PCDHGB7: variants seen among roughly 807,000 people sequenced by gnomAD.
The protein encoded by PCDHGB7 is protocadherin gamma-B7.
PCDHGB7 carries 37 observed loss-of-function variants against 61.4 expected under a neutral mutation model. That is an observed-to-expected ratio of 0.60 (90% confidence interval 0.46 to 0.79). PCDHGB7 has a LOEUF of 0.79. Among genes scored for constraint, PCDHGB7 ranks in the 30% least tolerant of loss-of-function variants. The pLI is 0.00. For missense variants in PCDHGB7, 1,166 were observed against 1,202.5 expected (o/e 0.97, Z 0.45); for synonymous variants, 464 against 503.5 (o/e 0.92, Z 1.05).
At position 141,476,902 on chromosome 5, in the gene PCDHGB7, C is replaced by T. The variant is rs1399250599; in HGVS notation, c.2416-17905C>T. ...TGGAGGATGCACCCTCCGGCACGCG[C>T]GTGGTACAAGTCCTTGCAACGGATC... On this transcript the variant is annotated intron_variant, in intron 1 of 3. Transcript: ENST00000398594. This position sits in a 1 kb window ranked among gnomAD's most constrained non-coding sequence, Gnocchi z 7.6. 2 of 1,613,998 alleles carry T rather than the reference C, an allele frequency of 1.2e-6. No individual in the cohort carries two copies. The highest frequency in any genetic ancestry group is 1.7e-6 in the Non-Finnish European group (2 of 1,180,034).
intron 1 of PCDHGB7, among the ~76,000 whole-genome samples, chr5:141,466,725 G>A (rs1184472416): frequency 2.6e-5 from 4 of 152,024 alleles, no homozygotes; most frequent in Non-Finnish European, 5.9e-5. Context: ...TTCCATTTTA[G>A]CAGAATTCAT....
chr5:141,467,055 C>CTTTTT (rs1193465269), intron 1 of PCDHGB7, among the ~76,000 whole-genome samples: 1 of 134,496 alleles, frequency 7.4e-6, no homozygotes, highest in Non-Finnish European at 1.6e-5. Context: ...TCAATGTTTT[C>CTTTTT]TTTTTTTTTT....
rs762662380 is a variant in PCDHGB7, at chr5:141,419,561, G to A, written c.1702G>A (p.Gly568Ser). 9 of 1,611,728 alleles carry A rather than the reference G, an allele frequency of 5.6e-6. No individual in the cohort carries two copies. The Admixed American group carries it at 1.2e-4, about 21-fold the overall frequency. The stretch of plus-strand genomic sequence containing the variant: ...ACCGCGGGTGCTGTACCCTGCGCTG[G>A]GTCCCGACGGCTCCGCGCTCTTCGA... ...NAPRVLYPAL[G>S]PDGSALFDTV... The change falls in exon 1 of 4, where the codon GGT becomes AGT. Residue 568 changes from glycine to serine, a missense_variant. Coordinates refer to ENST00000398594, the MANE Select transcript of PCDHGB7 (RefSeq NM_018927.4).
intron 3 of PCDHGB7, among the ~76,000 whole-genome samples, chr5:141,507,645 G>A (rs565235954): frequency 6.6e-6 from 1 of 152,382 alleles, no homozygotes; most frequent in South Asian, 2.1e-4. Flanking sequence ...CTGAGGCCAG[G>A]AAGCAGCTTT....
Position 141,487,686 on chromosome 5 carries a change from T to G in PCDHGB7, c.2416-7121T>G, listed in dbSNP as rs778973495. The G allele has an allele frequency of 4.4e-6, 7 of 1,605,914 alleles. 1 individual carries two copies. The African/African-American group carries it at 9.4e-5, about 21-fold the overall frequency. On this transcript the variant is annotated intron_variant, in intron 1 of 3. Coordinates refer to ENST00000398594, the MANE Select transcript of PCDHGB7 (RefSeq NM_018927.4). The surrounding 1 kb of genome is among the most constrained non-coding windows in gnomAD (Gnocchi z 5.0). Reference sequence around the variant, plus strand: ...CCAGGCATATGGCTAGGCCATGTCCTAGAGAGTACTGGCCTCTCAGTAAGT... The same window carrying G: ...CCAGGCATATGGCTAGGCCATGTCCGAGAGAGTACTGGCCTCTCAGTAAGT...
intron 1 of PCDHGB7, chr5:141,442,380 T>G (rs1235241143): frequency 2.6e-5 from 4 of 152,244 alleles, no homozygotes; most frequent in Non-Finnish European, 4.4e-5. Flanking sequence ...TCCTACCAGG[T>G]GTGTGCTTCT....
At chr5:141,492,256 A>G (rs1323720621) in intron 1 of PCDHGB7, among the ~76,000 whole-genome samples, 1 of 151,974 alleles carries the variant, frequency 6.6e-6, no homozygotes, top group Non-Finnish European at 1.5e-5. Context: ...CGGCCCACAC[A>G]AGTTGCACGG....
In PCDHGB7 at chr5:141,487,678, C is replaced by T. The variant is rs1416406108; in HGVS notation, c.2416-7129C>T. ...ATTCTGATCCAGGCATATGGCTAGG[C>T]CATGTCCTAGAGAGTACTGGCCTCT... On this transcript the variant is annotated intron_variant, in intron 1 of 3. Transcript: ENST00000398594. The surrounding 1 kb of genome is among the most constrained non-coding windows in gnomAD (Gnocchi z 5.0). 6.2e-7 allele frequency: 1 copy of T among 1,609,696 alleles called. No individual in the cohort carries two copies. Among genetic ancestry groups the T allele is most frequent in the South Asian group, 1.1e-5 (1 of 90,230 alleles).
chr5:141,422,028 A>C, intron 1 of PCDHGB7: 1 of 1,611,196 alleles, frequency 6.2e-7, no homozygotes, highest in Non-Finnish European at 8.5e-7. Flanking sequence ...TGGTTAATGC[A>C]ACGGATCCAG....
At chr5:141,497,500 T>G (rs1468175808) in intron 2 of PCDHGB7, among the ~76,000 whole-genome samples, 2 of 151,562 alleles carry the variant, frequency 1.3e-5, no homozygotes, top group Non-Finnish European at 2.9e-5. Context: ...CTCTCTCCTC[T>G]CTCTGCTTCC....
In PCDHGB7 at chr5:141,491,797, G is replaced by T. The variant is rs537755017; in HGVS notation, c.2416-3010G>T. The stretch of plus-strand genomic sequence containing the variant: ...ATTGAACTTGCATCCACTCCTCTCC[G>T]GCCGGCTTGGTCGCTGGCTGCGCTC... On this transcript the variant is annotated intron_variant, in intron 1 of 3. Coordinates refer to ENST00000398594, the MANE Select transcript of PCDHGB7 (RefSeq NM_018927.4). The surrounding 1 kb of genome is among the most constrained non-coding windows in gnomAD (Gnocchi z 6.9). 2.0e-6 allele frequency: 3 copies of T among 1,506,818 alleles called. No homozygotes were observed. The highest frequency in any genetic ancestry group is 2.4e-5 in the Admixed American group (1 of 41,734). 93.3% of individuals were successfully genotyped at this position (1,506,818 alleles called of 1,614,324 possible). A position where few individuals can be genotyped will look rare whatever the true frequency, so the allele number is the denominator to read the frequency against.
At chr5:141,478,234 G>C (rs762337749) in intron 1 of PCDHGB7, 21 of 1,614,082 alleles carry the variant, frequency 1.3e-5, no homozygotes, top group Non-Finnish European at 1.8e-5. Flanking sequence ...TGGGGTTTGT[G>C]GTCACAGTGT....
At position 141,432,181 on chromosome 5, in the gene PCDHGB7, G is replaced by A. The variant is rs1443322706; in HGVS notation, c.2415+11907G>A. 3.7e-6 allele frequency: 6 copies of A among 1,614,116 alleles called. No homozygotes were observed. In the South Asian group the frequency reaches 6.6e-5, roughly 18 times the overall value. On this transcript the variant is annotated intron_variant, in intron 1 of 3. Coordinates refer to ENST00000398594, the MANE Select transcript of PCDHGB7 (RefSeq NM_018927.4). This position sits in a 1 kb window ranked among gnomAD's most constrained non-coding sequence, Gnocchi z 6.0. ...CCAGAGGAGTTTCCCTCGTCTCTGTGACCGCCCACGACCCCGACTGTGAAG... is the reference window on the plus strand; with the variant it reads ...CCAGAGGAGTTTCCCTCGTCTCTGTAACCGCCCACGACCCCGACTGTGAAG...
intron 1 of PCDHGB7, chr5:141,420,995 C>T (rs1448491394): frequency 2.0e-6 from 1 of 503,150 alleles, no homozygotes; most frequent in East Asian, 3.3e-5. Flanking sequence ...CGCCGCTGCT[C>T]ACCAATCAGG....
Position 141,494,824 on chromosome 5 carries a change from G to A in PCDHGB7, c.2433G>A (p.Thr811=), listed in dbSNP as rs1423741889. The A allele has an allele frequency of 1.8e-5, 29 of 1,613,924 alleles. No homozygotes were observed. Among genetic ancestry groups the A allele is most frequent in the Non-Finnish European group, 2.4e-5 (28 of 1,180,032 alleles). Residue 811 remains threonine (T), a synonymous_variant, in exon 2 of 4, where the codon ACG becomes ACA. Transcript: ENST00000398594. The part of the protein sequence containing the change: ...KILKQQAPPN[T]DWRFSQAQRP... ...CTCCACAGCAAGCCCCGCCCAACAC[G>A]GACTGGCGTTTCTCTCAGGCCCAGA...
At position 141,477,748 on chromosome 5, in the gene PCDHGB7, C is replaced by T; in HGVS notation, c.2416-17059C>T. ...CAGCTCATATCAGCGATGGGGGCAC[C>T]CCGGTCCTAGCCACCAACATCAGCG... On this transcript the variant is annotated intron_variant, in intron 1 of 3. Transcript: ENST00000398594. The surrounding 1 kb of genome is among the most constrained non-coding windows in gnomAD (Gnocchi z 4.9). 6.2e-7 allele frequency: 1 copy of T among 1,613,872 alleles called. No homozygotes were observed. The highest frequency in any genetic ancestry group is 1.1e-5 in the South Asian group (1 of 91,080).
At chr5:141,438,585 TAC>T (rs1561889967) in intron 1 of PCDHGB7, among the ~76,000 whole-genome samples, 141 of 61,160 alleles carry the variant, frequency 2.3e-3, no homozygotes, top group South Asian at 4.3e-3. Flanking sequence ...CATACATACA[TAC>T]ATACATATAT....
chr5:141,473,944 C>T (rs1279694347), intron 1 of PCDHGB7, among the ~76,000 whole-genome samples: 1 of 152,156 alleles, frequency 6.6e-6, no homozygotes, highest in Non-Finnish European at 1.5e-5. Context: ...TAGCTCAGGC[C>T]TGTAGTCCCA....
At chr5:141,461,893 G>A (rs2099025951) in intron 1 of PCDHGB7, among the ~76,000 whole-genome samples, 1 of 151,772 alleles carries the variant, frequency 6.6e-6, no homozygotes, top group African/African-American at 2.4e-5. Context: ...GCACGATCTC[G>A]GCTCACTGCA....
Sources: gnomAD v4.1 joint callset for allele counts (sites outside exome capture counted in the v4.1 genomes callset) on GRCh38, gnomAD v4.1.1 for gene constraint, Gnocchi (gnomAD v3.1) non-coding constraint, MANE v1.5 for transcripts, NCBI Gene and HGNC (gene_info 2026-07-23, HGNC 2026-07-21) for gene names.